TRPM3: variants seen among roughly 807,000 people sequenced by gnomAD.
The protein encoded by TRPM3 is transient receptor potential cation channel subfamily M member 3.
In TRPM3, 77 loss-of-function variants were observed where a neutral mutation model predicts 181.2. The observed-to-expected ratio is 0.42, with a 90% CI of 0.35 to 0.51. TRPM3 has a LOEUF of 0.51. TRPM3 is among the 20% of genes least tolerant of loss of function. The probability of loss-of-function intolerance (pLI) is 0.01; values close to 1 mark genes in which losing one functional copy is unlikely to be tolerated. For missense variants in TRPM3, 1,759 were observed against 2,196.7 expected, an observed-to-expected ratio of 0.80 and a Z score of 3.98; for synonymous variants, 745 against 796.4, an observed-to-expected ratio of 0.94 and a Z score of 1.09.
intron 22 of TRPM3, among the ~76,000 whole-genome samples, chr9:70,580,887 TA>T (rs1365366811): frequency 6.6e-6 from 1 of 152,232 alleles, no homozygotes; most frequent in Non-Finnish European, 1.5e-5. Context: ...CGCTGATTTG[TA>T]ATGTGTGTTT....
intron 1 of TRPM3, among the ~76,000 whole-genome samples, chr9:71,187,042 G>C (rs1227478113): frequency 6.6e-6 from 1 of 151,968 alleles, no homozygotes; most frequent in African/African-American, 2.4e-5. Flanking sequence ...TTGAAAATAA[G>C]TCTGATGTGT....
chr9:71,254,722 A>G (rs1281829982), intron 1 of TRPM3, among the ~76,000 whole-genome samples: 1 of 152,210 alleles, frequency 6.6e-6, no homozygotes, highest in African/African-American at 2.4e-5. Context: ...CACATTAACA[A>G]ATTGGTCTTG....
chr9:71,401,045 A>G (rs565663202), intron 1 of TRPM3, among the ~76,000 whole-genome samples: 2 of 152,132 alleles, frequency 1.3e-5, no homozygotes, highest in South Asian at 4.2e-4. Context: ...TAAAAATACA[A>G]AAATTGGCCA....
At chr9:70,581,089 A>G (rs1189799975) in intron 22 of TRPM3, among the ~76,000 whole-genome samples, 1 of 152,240 alleles carries the variant, frequency 6.6e-6, no homozygotes, top group Non-Finnish European at 1.5e-5. Context: ...TGTGTATTAG[A>G]TTATGAGATA....
chr9:71,193,674 G>A (rs2078167597), intron 1 of TRPM3, among the ~76,000 whole-genome samples: 1 of 151,802 alleles, frequency 6.6e-6, no homozygotes, highest in Non-Finnish European at 1.5e-5. Flanking sequence ...ACACAAAATT[G>A]TCCTTTTTGT....
intron 1 of TRPM3, among the ~76,000 whole-genome samples, chr9:71,415,126 G>A (rs1229787130): frequency 6.6e-6 from 1 of 152,066 alleles, no homozygotes; most frequent in Non-Finnish European, 1.5e-5. Context: ...AGAAGGCAAT[G>A]ACCATGGAGG....
chr9:70,997,525 C>T lies in TRPM3; in HGVS notation c.177+123653G>A, dbSNP rs143842747. 2.5e-4 allele frequency among the ~76,000 whole-genome samples: 38 copies of T among 152,194 alleles called. No homozygotes were observed. In the South Asian group the frequency reaches 7.5e-3, roughly 30 times the overall value. ...TTAATACTTTTTTTTGGTTTCCTTTCACCTTTTCAAAATATGACTTTTCCA... is the reference window on the plus strand; with the variant it reads ...TTAATACTTTTTTTTGGTTTCCTTTTACCTTTTCAAAATATGACTTTTCCA... On this transcript the variant is annotated intron_variant, in intron 1 of 25. Coordinates refer to ENST00000677713, the MANE Select transcript of TRPM3 (RefSeq NM_001366145.2).
chr9:70,996,534 C>G (rs2097542421), intron 1 of TRPM3, among the ~76,000 whole-genome samples: 1 of 152,202 alleles, frequency 6.6e-6, no homozygotes. Flanking sequence ...TTCCACCTCA[C>G]CTTTACATCC....
intron 2 of TRPM3, among the ~76,000 whole-genome samples, chr9:70,863,516 C>A (rs966077779): frequency 2.0e-5 from 3 of 152,108 alleles, no homozygotes; most frequent in Non-Finnish European, 4.4e-5. Context: ...GTTTAACATG[C>A]ACATTTAAAT....
chr9:71,147,217 C>T (rs1169359179), intron 1 of TRPM3, among the ~76,000 whole-genome samples: 1 of 152,110 alleles, frequency 6.6e-6, no homozygotes, highest in Non-Finnish European at 1.5e-5. Context: ...GAGGAGATAG[C>T]TTCATGGATT....
intron 1 of TRPM3, among the ~76,000 whole-genome samples, chr9:71,273,561 G>T (rs2083965547): frequency 6.6e-6 from 1 of 152,166 alleles, no homozygotes; most frequent in Non-Finnish European, 1.5e-5. Flanking sequence ...GTCATTAAGG[G>T]TGTCAGTAAG....
intron 7 of TRPM3, among the ~76,000 whole-genome samples, chr9:70,781,123 A>C (rs1642712486): frequency 6.6e-6 from 1 of 152,038 alleles, no homozygotes; most frequent in South Asian, 2.1e-4. Context: ...TAGGAGATCG[A>C]GACCATCCTG....
chr9:70,598,470 G>A lies in TRPM3; in HGVS notation c.2997C>T (p.Ile999=), dbSNP rs34994337. Residue 999 remains isoleucine, a synonymous_variant, in exon 21 of 26, where the codon ATC becomes ATT. Transcript: ENST00000677713. ...GGCCCAAATACTTGTTCACGCCGAA[G>A]ATGTCTAGGAGACGGATATACCAGT... The part of the protein sequence containing the change: ...IIYWYIRLLD[I]FGVNKYLGPY... The A allele has an allele frequency of 1.4e-3, 2,261 of 1,614,178 alleles. 31 individuals are homozygous for A. In the African/African-American group the frequency reaches 0.026, roughly 18 times the overall value.
chr9:70,951,287 C>T (rs778263378), intron 1 of TRPM3, among the ~76,000 whole-genome samples: 6 of 152,238 alleles, frequency 3.9e-5, no homozygotes, highest in Admixed American at 6.5e-5. Flanking sequence ...TAGTACATTG[C>T]TAGCTCTCCC....
chr9:70,768,554 G>A (rs890454080), intron 7 of TRPM3, among the ~76,000 whole-genome samples: 7 of 151,936 alleles, frequency 4.6e-5, no homozygotes, highest in African/African-American at 1.7e-4. Context: ...TAAAGCAACA[G>A]CAGCACCTGT....
At chr9:70,609,811 G>A (rs897646183) in intron 19 of TRPM3, among the ~76,000 whole-genome samples, 1 of 152,098 alleles carries the variant, frequency 6.6e-6, no homozygotes, top group African/African-American at 2.4e-5. Flanking sequence ...AGCTGGTTGT[G>A]GAAAGGGCTA....
chr9:71,248,299 G>A (rs1041204845), intron 1 of TRPM3, among the ~76,000 whole-genome samples: 2 of 152,122 alleles, frequency 1.3e-5, no homozygotes, highest in Non-Finnish European at 2.9e-5. Context: ...ACCAACTCTG[G>A]CCAATGAGAC....
intron 1 of TRPM3, among the ~76,000 whole-genome samples, chr9:71,059,458 T>C (rs139811579): frequency 1.3e-3 from 191 of 152,208 alleles, no homozygotes; most frequent in African/African-American, 4.3e-3. Context: ...TCCTGTTTAG[T>C]TCTGAGTACC....
At chr9:70,934,910 GGTATT>G (rs147578959) in intron 1 of TRPM3, among the ~76,000 whole-genome samples, 1,568 of 152,136 alleles carry the variant, frequency 0.01, 31 homozygotes, top group African/African-American at 0.036. Context: ...AAAATGATTG[GGTATT>G]CTTGTTCTGC....
Sources: gnomAD v4.1 joint callset for allele counts (sites outside exome capture counted in the v4.1 genomes callset) on GRCh38, gnomAD v4.1.1 for gene constraint, MANE v1.5 for transcripts, NCBI Gene and HGNC (gene_info 2026-07-23, HGNC 2026-07-21) for gene names.